MRPL1: variants seen among roughly 807,000 people sequenced by gnomAD.
The protein encoded by MRPL1 is mitochondrial ribosomal protein L1, also known as large ribosomal subunit protein uL1m.
A neutral mutation model predicts 38.0 loss-of-function variants in MRPL1; 28 were observed. The ratio of observed to expected loss-of-function variants is 0.74; its 90% confidence interval spans 0.55 to 1.01. The LOEUF is 1.01. Among genes scored for constraint, MRPL1 ranks in the 50% least tolerant of loss-of-function variants. The probability of loss-of-function intolerance (pLI) is 0.00; values close to 1 mark genes in which losing one functional copy is unlikely to be tolerated. For missense variants in MRPL1, 358 were observed against 389.8 expected, an observed-to-expected ratio of 0.92 and a Z score of 0.69; for synonymous variants, 123 against 126.7, an observed-to-expected ratio of 0.97 and a Z score of 0.20.
intron 7 of MRPL1, among the ~76,000 whole-genome samples, chr4:77,913,379 G>A (rs1483909856): frequency 6.6e-6 from 1 of 152,002 alleles, no homozygotes; most frequent in Non-Finnish European, 1.5e-5. Context: ...ATATATAGAT[G>A]ACAAACACAT....
intron 7 of MRPL1, among the ~76,000 whole-genome samples, chr4:77,912,438 A>G (rs1259216435): frequency 2.0e-5 from 3 of 152,196 alleles, no homozygotes; most frequent in African/African-American, 7.2e-5. Context: ...TGAAATGAAA[A>G]AGCAACAAAT....
rs576940700 is a variant in MRPL1 at position 77,930,838 on chromosome 4, C to T, written c.778-18959C>T. Among the ~76,000 whole-genome samples the T allele has an allele frequency of 3.3e-5, 5 of 152,274 alleles. 1 individual carries two copies. Among genetic ancestry groups the T allele is most frequent in the South Asian group, 4.1e-4 (2 of 4,826 alleles). ...CCCTCTGCACCTCTTTCCCGCACTGCGCACTTGTCTCAGTCACAGTTTTGG... is the reference window on the plus strand; with the variant it reads ...CCCTCTGCACCTCTTTCCCGCACTGTGCACTTGTCTCAGTCACAGTTTTGG... On this transcript the variant is annotated intron_variant, in intron 7 of 8. Coordinates refer to ENST00000315567, the MANE Select transcript of MRPL1 (RefSeq NM_020236.4).
intron 5 of MRPL1, among the ~76,000 whole-genome samples, chr4:77,890,916 C>T (rs1326280638): frequency 6.6e-6 from 1 of 152,122 alleles, no homozygotes; most frequent in Non-Finnish European, 1.5e-5. Flanking sequence ...TTCAAATTTT[C>T]ATTTGGGGAA....
intron 7 of MRPL1, among the ~76,000 whole-genome samples, chr4:77,926,944 C>T (rs768562267): frequency 2.6e-5 from 4 of 151,928 alleles, no homozygotes; most frequent in Non-Finnish European, 5.9e-5. Flanking sequence ...TCAGGTTTCT[C>T]TTCTGTCTTC....
chr4:77,906,096 A>G (rs1197991361), intron 6 of MRPL1, among the ~76,000 whole-genome samples: 1 of 152,230 alleles, frequency 6.6e-6, no homozygotes, highest in Non-Finnish European at 1.5e-5. Flanking sequence ...AAGAGAAGTA[A>G]CATGACTGAT....
At chr4:77,886,989 C>G (rs754341194) in intron 4 of MRPL1, among the ~76,000 whole-genome samples, 11 of 151,742 alleles carry the variant, frequency 7.2e-5, no homozygotes, top group Admixed American at 3.3e-4. Flanking sequence ...GACAGTTTTG[C>G]CATGTTGGCC....
At chr4:77,938,545 C>T (rs550534653) in intron 7 of MRPL1, among the ~76,000 whole-genome samples, 1 of 152,208 alleles carries the variant, frequency 6.6e-6, no homozygotes, top group Non-Finnish European at 1.5e-5. Flanking sequence ...AATTTGGCCA[C>T]TGGTCTTACT....
In MRPL1 at chr4:77,894,263, C is replaced by A; in HGVS notation, c.670+13C>A. 1 of 1,465,366 alleles carries A rather than the reference C, an allele frequency of 6.8e-7. No homozygotes were observed. The highest frequency in any genetic ancestry group is 2.0e-5 in the Admixed American group (1 of 50,212). 90.8% of individuals were successfully genotyped at this position (1,465,366 alleles called of 1,614,324 possible). ...AAGCTTTCTCGAAGTAAGAGAATTC[C>A]TATTATTTCAATATCCTGTCAACAA... On this transcript the variant is annotated intron_variant, in intron 6 of 8. Coordinates refer to ENST00000315567, the MANE Select transcript of MRPL1 (RefSeq NM_020236.4).
At chr4:77,895,648 A>C (rs369800364) in intron 6 of MRPL1, among the ~76,000 whole-genome samples, 2 of 152,182 alleles carry the variant, frequency 1.3e-5, no homozygotes, top group African/African-American at 4.8e-5. Flanking sequence ...ATTTTTATAT[A>C]TCCTAGCCAC....
In MRPL1 at chr4:77,914,685, T is replaced by C. The variant is rs189212471; in HGVS notation, c.777+5313T>C. On this transcript the variant is annotated intron_variant, in intron 7 of 8. Coordinates refer to ENST00000315567, the MANE Select transcript of MRPL1 (RefSeq NM_020236.4). ...GAGTGAAATTATTCTTATTATGCAG[T>C]TGAAAATATTGAAGATGTGGTATTT... Among the ~76,000 whole-genome samples, 764 of 151,160 alleles carry C rather than the reference T, an allele frequency of 5.1e-3. 2 individuals are homozygous for C. Among genetic ancestry groups the C allele is most frequent in the Admixed American group, 9.2e-3 (140 of 15,164 alleles).
At chr4:77,880,214 G>C (rs1735505142) in intron 2 of MRPL1, among the ~76,000 whole-genome samples, 1 of 152,170 alleles carries the variant, frequency 6.6e-6, no homozygotes. Context: ...GGTATTGGCA[G>C]TTTATTTTCT....
At chr4:77,905,242 A>T (rs893329543) in intron 6 of MRPL1, among the ~76,000 whole-genome samples, 3 of 152,126 alleles carry the variant, frequency 2.0e-5, no homozygotes, top group Non-Finnish European at 2.9e-5. Flanking sequence ...CATGCCTGTA[A>T]TCTCAACACT....
intron 7 of MRPL1, among the ~76,000 whole-genome samples, chr4:77,921,975 G>A (rs1473880184): frequency 6.6e-6 from 1 of 152,088 alleles, no homozygotes; most frequent in Non-Finnish European, 1.5e-5. Flanking sequence ...TATATGCCAG[G>A]CGTTACTCTA....
chr4:77,867,253 T>C (rs1304346599), intron 1 of MRPL1, among the ~76,000 whole-genome samples: 1 of 152,250 alleles, frequency 6.6e-6, no homozygotes, highest in African/African-American at 2.4e-5. Flanking sequence ...CTTCCAGCAG[T>C]GCTAGCACAT....
chr4:77,895,520 G>A, intron 6 of MRPL1, among the ~76,000 whole-genome samples: 1 of 151,928 alleles, frequency 6.6e-6, no homozygotes, highest in East Asian at 1.9e-4. Context: ...CTGGATGTCT[G>A]GTATATTATT....
intron 6 of MRPL1, among the ~76,000 whole-genome samples, chr4:77,900,019 A>G (rs541415976): frequency 3.3e-5 from 5 of 152,182 alleles, no homozygotes; most frequent in Non-Finnish European, 7.4e-5. Context: ...TTATTTATTC[A>G]TCTACAAAAT....
At chr4:77,911,956 C>T (rs746131981) in intron 7 of MRPL1, among the ~76,000 whole-genome samples, 168 of 152,132 alleles carry the variant, frequency 1.1e-3, no homozygotes, top group Non-Finnish European at 2.3e-3. Flanking sequence ...TTAATCATTA[C>T]AGTTCACCAT....
At chr4:77,882,707 C>T (rs1005158496) in intron 2 of MRPL1, among the ~76,000 whole-genome samples, 2 of 152,024 alleles carry the variant, frequency 1.3e-5, no homozygotes, top group African/African-American at 4.8e-5. Flanking sequence ...ATGGACATAC[C>T]ACATTTTATG....
intron 7 of MRPL1, among the ~76,000 whole-genome samples, chr4:77,914,730 T>C (rs1482323680): frequency 6.6e-6 from 1 of 152,014 alleles, no homozygotes; most frequent in Non-Finnish European, 1.5e-5. Context: ...TGTGTGTGTG[T>C]CTGTAGCCAA....
Sources: gnomAD v4.1 joint callset for allele counts (sites outside exome capture counted in the v4.1 genomes callset) on GRCh38, gnomAD v4.1.1 for gene constraint, MANE v1.5 for transcripts, NCBI Gene and HGNC (gene_info 2026-07-23, HGNC 2026-07-21) for gene names.